Variants in PCDHGB7 observed in about 807,000 individuals in gnomAD.
PCDHGB7 encodes protocadherin gamma subfamily B, 7.
PCDHGB7 carries 37 observed loss-of-function variants against 61.4 expected under a neutral mutation model. The observed-to-expected ratio is 0.60, with a 90% confidence interval of 0.46 to 0.79. The LOEUF is 0.79. PCDHGB7 is among the 30% of genes least tolerant of loss of function. The pLI is 0.00. For missense variants in PCDHGB7, 1,166 were observed against 1,202.5 expected (o/e 0.97, Z 0.45); for synonymous variants, 464 against 503.5 (o/e 0.92, Z 1.05).
Position 141,487,070 on chromosome 5 carries a change from C to A in PCDHGB7, c.2416-7737C>A, listed in dbSNP as rs1365482479. The A allele has an allele frequency of 6.2e-7, 1 of 1,614,036 alleles. No individual in the cohort carries two copies. The highest frequency in any genetic ancestry group is 8.5e-7 in the Non-Finnish European group (1 of 1,180,016). ...TGCTGGGGAGGTGCGGACGGCTGTT[C>A]CTATCCCAGCTGACCTCCCACCACA... is the stretch of plus-strand genomic sequence containing the variant. On this transcript the variant is annotated intron_variant, in intron 1 of 3. Coordinates refer to ENST00000398594, the MANE Select transcript of PCDHGB7 (RefSeq NM_018927.4). The surrounding 1 kb of genome is among the most constrained non-coding windows in gnomAD (Gnocchi z 5.0).
intron 1 of PCDHGB7, among the ~76,000 whole-genome samples, chr5:141,473,583 A>G (rs905824343): frequency 6.6e-6 from 1 of 152,226 alleles, no homozygotes; most frequent in Non-Finnish European, 1.5e-5. Flanking sequence ...CTAAGACCAG[A>G]CAGACCTGTA....
intron 1 of PCDHGB7, chr5:141,424,478 G>A (rs953233220): frequency 3.3e-5 from 5 of 151,898 alleles, no homozygotes; most frequent in Admixed American, 6.6e-5. Context: ...CTTTTACTTT[G>A]GTGTCTGTGT....
chr5:141,490,933 C>T lies in PCDHGB7; in HGVS notation c.2416-3874C>T, dbSNP rs781291690. ...CGAGAATGATAATGCCCCAGCTGTG[C>T]TGCACCCACGGCCAGACTGGGAACA... On this transcript the variant is annotated intron_variant, in intron 1 of 3. Transcript: ENST00000398594. The surrounding 1 kb of genome is among the most constrained non-coding windows in gnomAD (Gnocchi z 5.4). 5.0e-6 allele frequency: 8 copies of T among 1,613,702 alleles called. No individual in the cohort carries two copies. The highest frequency in any genetic ancestry group is 5.9e-6 in the Non-Finnish European group (7 of 1,179,770).
rs369529373 is a variant in PCDHGB7 at position 141,458,890 on chromosome 5, C to T, written c.2416-35917C>T. Among the ~76,000 whole-genome samples, 87 of 152,160 alleles carry T rather than the reference C, an allele frequency of 5.7e-4. 1 individual carries two copies. In the South Asian group the frequency reaches 0.016, roughly 28 times the overall value. ...TGGGACTACAGGCATGCACACCATG[C>T]GCAGCTAATTTTTTCTATTTTTTGT... On this transcript the variant is annotated intron_variant, in intron 1 of 3. Coordinates refer to ENST00000398594, the MANE Select transcript of PCDHGB7 (RefSeq NM_018927.4).
At chr5:141,433,607 G>A (rs1209706866) in intron 1 of PCDHGB7, among the ~76,000 whole-genome samples, 2 of 152,078 alleles carry the variant, frequency 1.3e-5, no homozygotes, top group East Asian at 1.9e-4. Context: ...AGGCCGAGGC[G>A]GGTGGATCAC....
chr5:141,500,216 ATT>A (rs1562194139), intron 2 of PCDHGB7, among the ~76,000 whole-genome samples: 8 of 149,244 alleles, frequency 5.4e-5, no homozygotes, highest in African/African-American at 2.0e-4. Flanking sequence ...TTATTTATTT[ATT>A]TATTTATTGA....
At position 141,489,474 on chromosome 5, in the gene PCDHGB7, C is replaced by T. The variant is rs772297075; in HGVS notation, c.2416-5333C>T. On this transcript the variant is annotated intron_variant, in intron 1 of 3. Transcript: ENST00000398594. The surrounding 1 kb of genome is among the most constrained non-coding windows in gnomAD (Gnocchi z 4.5). ...AGAATGGGCGCTATTTTTCCCTGAG[C>T]TTGATGAGTGGTGCCCTGGCAGTGA... 6.2e-7 allele frequency: 1 copy of T among 1,614,108 alleles called. No individual in the cohort carries two copies. The highest frequency in any genetic ancestry group is 8.5e-7 in the Non-Finnish European group (1 of 1,180,034).
intron 1 of PCDHGB7, chr5:141,427,894 C>T (rs974220302): frequency 1.3e-6 from 2 of 1,568,222 alleles, no homozygotes; most frequent in East Asian, 2.2e-5. Flanking sequence ...GACCAGGGCT[C>T]GCCCGCGCTC....
In PCDHGB7 at chr5:141,486,329, A is replaced by C. The variant is rs1045072240; in HGVS notation, c.2416-8478A>C. 1.2e-6 allele frequency: 2 copies of C among 1,613,882 alleles called. No individual in the cohort carries two copies. Among genetic ancestry groups the C allele is most frequent in the African/African-American group, 2.7e-5 (2 of 74,866 alleles). ...AGACTCAGGGTCAAACGGAGATGTG[A>C]GCCTCCGCATTCCTGACCACTTGCC... On this transcript the variant is annotated intron_variant, in intron 1 of 3. Transcript: ENST00000398594. The surrounding 1 kb of genome is among the most constrained non-coding windows in gnomAD (Gnocchi z 5.0).
Position 141,510,363 on chromosome 5 carries a change from G to A in PCDHGB7, c.2564-584G>A, listed in dbSNP as rs973832487. Among the ~76,000 whole-genome samples the A allele has an allele frequency of 7.8e-5, 11 of 141,564 alleles. No individual in the cohort carries two copies. In the East Asian group the frequency reaches 1.6e-3, roughly 21 times the overall value. 92.9% of individuals were successfully genotyped at this position (141,564 alleles called of 152,430 possible). The stretch of plus-strand genomic sequence containing the variant: ...CCACACACTTACTAACGGAACTACC[G>A]AATCTCTACTCGTGCCAGGCCTTGC... On this transcript the variant is annotated intron_variant, in intron 3 of 3. Coordinates refer to ENST00000398594, the MANE Select transcript of PCDHGB7 (RefSeq NM_018927.4).
At position 141,486,694 on chromosome 5, in the gene PCDHGB7, C is replaced by T. The variant is rs1275794121; in HGVS notation, c.2416-8113C>T. ...ATCGAGATGTATCAGCTTCCTCTTTCATCTCTCTGAACCCCCAGACAGGAG... is the reference window on the plus strand; with the variant it reads ...ATCGAGATGTATCAGCTTCCTCTTTTATCTCTCTGAACCCCCAGACAGGAG... On this transcript the variant is annotated intron_variant, in intron 1 of 3. Transcript: ENST00000398594. This position sits in a 1 kb window ranked among gnomAD's most constrained non-coding sequence, Gnocchi z 5.0. 1.2e-6 allele frequency: 2 copies of T among 1,614,168 alleles called. No individual in the cohort carries two copies. Among genetic ancestry groups the T allele is most frequent in the Non-Finnish European group, 1.7e-6 (2 of 1,180,044 alleles).
chr5:141,421,358 C>T (rs2096566137), intron 1 of PCDHGB7: 1 of 1,613,870 alleles, frequency 6.2e-7, no homozygotes, highest in Non-Finnish European at 8.5e-7. Context: ...GAAAAGGGCT[C>T]CTTCGTGGGC....
At chr5:141,475,059 G>T (rs2099358742) in intron 1 of PCDHGB7, among the ~76,000 whole-genome samples, 1 of 152,180 alleles carries the variant, frequency 6.6e-6, no homozygotes, top group South Asian at 2.1e-4. Flanking sequence ...AAAGATTTGT[G>T]GAGCTTTGCT....
intron 1 of PCDHGB7, chr5:141,427,746 T>A: frequency 7.9e-7 from 1 of 1,272,038 alleles, no homozygotes; most frequent in African/African-American, 1.5e-5. Flanking sequence ...AGTCTCCTAC[T>A]CCATCGTTAC....
chr5:141,445,389 C>T (rs1484183450), intron 1 of PCDHGB7, among the ~76,000 whole-genome samples: 1 of 152,174 alleles, frequency 6.6e-6, no homozygotes, highest in Non-Finnish European at 1.5e-5. Flanking sequence ...CATTCATTTA[C>T]ATAACAAATA....
At chr5:141,451,018 C>T (rs1307161489) in intron 1 of PCDHGB7, among the ~76,000 whole-genome samples, 7 of 151,264 alleles carry the variant, frequency 4.6e-5, no homozygotes, top group African/African-American at 1.5e-4. Flanking sequence ...TTAGTAGAGA[C>T]GAGGTTTCAC....
intron 1 of PCDHGB7, among the ~76,000 whole-genome samples, chr5:141,450,814 A>C (rs990515429): frequency 1.5e-5 from 2 of 136,790 alleles, no homozygotes; most frequent in Non-Finnish European, 3.1e-5. Context: ...TTATTTATTT[A>C]ATATTATTAT....
At chr5:141,479,470 T>G (rs2099497188) in intron 1 of PCDHGB7, 1 of 152,250 alleles carries the variant, frequency 6.6e-6, no homozygotes, top group African/African-American at 2.4e-5. Context: ...CAGTGACCTC[T>G]TGGGAGGGCA....
Position 141,511,843 on chromosome 5 carries a change from GT to G in PCDHGB7, c.*674del, listed in dbSNP as rs1413398495. On this transcript the variant is annotated 3_prime_UTR_variant, in exon 4 of 4. Coordinates refer to ENST00000398594, the MANE Select transcript of PCDHGB7 (RefSeq NM_018927.4). ...CCAACGCCCTGGGGACCAGTCTTCT[GT>G]TTTGTTTTTCATTGTTTGACGTTTC... 1 of 156,550 alleles carries G rather than the reference GT, an allele frequency of 6.4e-6. No individual in the cohort carries two copies. The highest frequency in any genetic ancestry group is 2.4e-5 in the African/African-American group (1 of 41,452). The allele number at this position is 156,550 out of a possible 1,614,324, so 9.7% of individuals were successfully genotyped here. A position where few individuals can be genotyped will look rare whatever the true frequency, so the allele number is the denominator to read the frequency against.
Sources: gnomAD v4.1 joint callset for allele counts (sites outside exome capture counted in the v4.1 genomes callset) on GRCh38, gnomAD v4.1.1 for gene constraint, Gnocchi (gnomAD v3.1) non-coding constraint, MANE v1.5 for transcripts, NCBI Gene and HGNC (gene_info 2026-07-23, HGNC 2026-07-21) for gene names.